The following PPP2CA variants were observed in gnomAD, a reference collection of about 807,000 sequenced individuals.
PPP2CA encodes the protein protein phosphatase 2 catalytic subunit alpha, also known as serine/threonine-protein phosphatase 2A catalytic subunit alpha isoform.
In PPP2CA, 5 loss-of-function variants were observed where a neutral mutation model predicts 38.8. The observed-to-expected ratio is 0.13, with a 90% CI of 0.07 to 0.27. The LOEUF is 0.27. Ranked by LOEUF, PPP2CA falls within the 10% of genes least tolerant of loss-of-function variation. The probability of loss-of-function intolerance (pLI) is 1.00; values close to 1 mark genes in which losing one functional copy is unlikely to be tolerated. For missense variants in PPP2CA, 88 were observed against 389.7 expected, an observed-to-expected ratio of 0.23 and a Z score of 6.52; for synonymous variants, 152 against 134.0, an observed-to-expected ratio of 1.13 and a Z score of -0.93.
intron 2 of PPP2CA, among the ~76,000 whole-genome samples, chr5:134,205,433 G>A (rs1439109239): frequency 6.7e-6 from 1 of 148,204 alleles, no homozygotes; most frequent in Admixed American, 6.8e-5. Flanking sequence ...CCAGGCTGGC[G>A]TGTAGTGGCG....
chr5:134,216,230 C>G (rs772220320), intron 1 of PPP2CA, among the ~76,000 whole-genome samples: 1 of 152,002 alleles, frequency 6.6e-6, no homozygotes, highest in African/African-American at 2.4e-5. Context: ...AAGCATTCTC[C>G]TAAAGGTATA....
chr5:134,221,355 C>T (rs966028202), intron 1 of PPP2CA, among the ~76,000 whole-genome samples: 1 of 152,184 alleles, frequency 6.6e-6, no homozygotes, highest in Non-Finnish European at 1.5e-5. Context: ...CCTCGTGATC[C>T]GCCTGCCGTG....
At position 134,197,653 on chromosome 5, in the gene PPP2CA, T is replaced by A; in HGVS notation, c.*119A>T. ...TATATGGCACATCTTTTGGTCCATG[T>A]GAAAACAAGTTTTTTGAATGTTAAC... On this transcript the variant is annotated 3_prime_UTR_variant, in exon 7 of 7. Transcript: ENST00000481195. 2 of 821,324 alleles carry A rather than the reference T, an allele frequency of 2.4e-6. No homozygotes were observed. The highest frequency in any genetic ancestry group is 3.2e-5 in the South Asian group (2 of 62,572). 50.9% of individuals were successfully genotyped at this position (821,324 alleles called of 1,614,324 possible). A position where few individuals can be genotyped will look rare whatever the true frequency, so the allele number is the denominator to read the frequency against.
chr5:134,218,321 T>C (rs919247128), intron 1 of PPP2CA, among the ~76,000 whole-genome samples: 1 of 152,158 alleles, frequency 6.6e-6, no homozygotes. Context: ...ATTCTAAAAG[T>C]GTAATAAAAG....
In PPP2CA at chr5:134,194,657, T is replaced by C. The variant is rs981272064; in HGVS notation, c.*3115A>G. 2.6e-5 allele frequency: 4 copies of C among 152,304 alleles called. No homozygotes were observed. The highest frequency in any genetic ancestry group is 4.4e-5 in the Non-Finnish European group (3 of 68,098). 9.4% of individuals were successfully genotyped at this position (152,304 alleles called of 1,614,324 possible). ...GGAGTTTTGCTCTTTTTGCCCAGGC[T>C]GGAGTGCAATGGCACGATCTGGGCT... On this transcript the variant is annotated 3_prime_UTR_variant, in exon 7 of 7. Transcript: ENST00000481195.
chr5:134,202,045 T>C, intron 2 of PPP2CA, 24 bp from the exon 3 acceptor site: 1 of 1,552,874 alleles, frequency 6.4e-7, no homozygotes, highest in Non-Finnish European at 8.7e-7. Flanking sequence ...ATGCAAAACA[T>C]AAACAACTAG....
Position 134,200,323 on chromosome 5 carries a change from A to T in PPP2CA, c.738+12T>A, listed in dbSNP as rs1160160793. ...TAAAAAAACAAGTCATATTTCAGAG[A>T]ACACAGCATACCTCCATCACTAGCT... On this transcript the variant is annotated intron_variant, in intron 5 of 6. Transcript: ENST00000481195. 1.9e-6 allele frequency: 3 copies of T among 1,594,654 alleles called. No homozygotes were observed. Among genetic ancestry groups the T allele is most frequent in the Non-Finnish European group, 2.6e-6 (3 of 1,170,792 alleles).
intron 1 of PPP2CA, among the ~76,000 whole-genome samples, chr5:134,224,923 G>A (rs1762531884): frequency 6.6e-6 from 1 of 152,138 alleles, no homozygotes; most frequent in Non-Finnish European, 1.5e-5. Context: ...TTGCAACAAA[G>A]ATACAAAATT....
intron 2 of PPP2CA, chr5:134,202,305 T>C (rs2149383522): frequency 3.5e-6 from 1 of 285,014 alleles, no homozygotes; most frequent in South Asian, 7.1e-5. Context: ...TACGGTTCAG[T>C]AATTTTTCAC....
Position 134,196,157 on chromosome 5 carries a change from T to C in PPP2CA, c.*1615A>G, listed in dbSNP as rs1211005304. On this transcript the variant is annotated 3_prime_UTR_variant, in exon 7 of 7. Coordinates refer to ENST00000481195, the MANE Select transcript of PPP2CA (RefSeq NM_002715.4). ...AATTAACTCCACAAGCCACTAAAAA[T>C]ACTATCAATTAGATCAGAAAAGACA... is the stretch of plus-strand genomic sequence containing the variant. 4 of 152,184 alleles carry C rather than the reference T, an allele frequency of 2.6e-5. No homozygotes were observed. The highest frequency in any genetic ancestry group is 9.7e-5 in the African/African-American group (4 of 41,446). 9.4% of individuals were successfully genotyped at this position (152,184 alleles called of 1,614,324 possible). A position where few individuals can be genotyped will look rare whatever the true frequency, so the allele number is the denominator to read the frequency against.
intron 1 of PPP2CA, among the ~76,000 whole-genome samples, chr5:134,221,250 T>C (rs896398925): frequency 6.6e-6 from 1 of 152,170 alleles, no homozygotes; most frequent in African/African-American, 2.4e-5. Flanking sequence ...TAGCTGAGAC[T>C]ACAGGTGTGT....
intron 1 of PPP2CA, among the ~76,000 whole-genome samples, chr5:134,215,363 A>T (rs111378643): frequency 0.012 from 1,755 of 152,258 alleles, 34 homozygotes; most frequent in African/African-American, 0.038. Flanking sequence ...TGAGGTCAGG[A>T]GTTCAAGACC....
intron 1 of PPP2CA, among the ~76,000 whole-genome samples, chr5:134,219,666 C>A (rs1762395254): frequency 6.6e-6 from 1 of 152,132 alleles, no homozygotes; most frequent in South Asian, 2.1e-4. Context: ...CCATTCTAAA[C>A]CACAATCCAC....
chr5:134,208,117 C>T (rs974489104), intron 1 of PPP2CA, among the ~76,000 whole-genome samples: 3 of 152,118 alleles, frequency 2.0e-5, no homozygotes, highest in African/African-American at 7.2e-5. Context: ...TTTAAAAGGG[C>T]ATGACATAAG....
chr5:134,221,452 A>G (rs949353340), intron 1 of PPP2CA, among the ~76,000 whole-genome samples: 1 of 152,126 alleles, frequency 6.6e-6, no homozygotes, highest in African/African-American at 2.4e-5. Context: ...AAACAATATA[A>G]AAAGTCAGTT....
chr5:134,199,023 A>G, intron 6 of PPP2CA, 63 bp downstream of exon 6: 2 of 1,356,464 alleles, frequency 1.5e-6, no homozygotes, highest in East Asian at 2.3e-5. Flanking sequence ...CTCTCTCAAA[A>G]TAAATAAACC....
rs563994357 is a variant in PPP2CA at position 134,205,851 on chromosome 5, T to TG, written c.312+70dup. Reference sequence around the variant, plus strand: ...TTAACATTCAGATAGAGAAAATAACTGGGGGAAAAAAAACTTTCAAGAGGA... The same window carrying TG: ...TTAACATTCAGATAGAGAAAATAACTGGGGGGAAAAAAAACTTTCAAGAGGA... On this transcript the variant is annotated intron_variant, in intron 2 of 6. Coordinates refer to ENST00000481195, the MANE Select transcript of PPP2CA (RefSeq NM_002715.4). 6.4e-4 allele frequency: 827 copies of TG among 1,298,450 alleles called. 9 individuals carry two copies. The South Asian group carries it at 6.4e-3, about 10-fold the overall frequency. 80.4% of individuals were successfully genotyped at this position (1,298,450 alleles called of 1,614,324 possible).
chr5:134,221,284 T>G (rs1310475908), intron 1 of PPP2CA, among the ~76,000 whole-genome samples: 1 of 152,158 alleles, frequency 6.6e-6, no homozygotes, highest in Non-Finnish European at 1.5e-5. Context: ...GCTAATTTTT[T>G]GTATTTTTAA....
intron 4 of PPP2CA, 60 bp downstream of exon 4, chr5:134,200,922 CAAT>C: frequency 3.8e-6 from 5 of 1,308,398 alleles, no homozygotes; most frequent in Non-Finnish European, 5.5e-6. Flanking sequence ...AATGAACTTA[CAAT>C]TAAACTTCTC....
Sources: allele counts gnomAD v4.1 joint callset (sites outside exome capture counted in the v4.1 genomes callset), GRCh38; gene constraint gnomAD v4.1.1; transcripts MANE v1.5; gene names NCBI Gene and HGNC (gene_info 2026-07-23, HGNC 2026-07-21).